The following PDE4D variants were observed in gnomAD, a reference collection of about 807,000 sequenced individuals.
The protein encoded by PDE4D is 3',5'-cyclic-AMP phosphodiesterase 4D.
In PDE4D, 24 loss-of-function variants were observed where a neutral mutation model predicts 87.4. The ratio of observed to expected loss-of-function variants is 0.27; its 90% confidence interval spans 0.20 to 0.39. The LOEUF (loss-of-function observed/expected upper bound fraction) is 0.39, where lower values mean the gene tolerates loss of function less well. PDE4D is among the 10% of genes least tolerant of loss of function. The pLI, the probability that PDE4D is intolerant of heterozygous loss-of-function variation, is 1.00. For missense variants in PDE4D, 714 were observed against 1,041.0 expected, an observed-to-expected ratio of 0.69 and a Z score of 4.32; for synonymous variants, 384 against 383.2, an observed-to-expected ratio of 1.00 and a Z score of -0.02.
At chr5:60,004,994 T>C (rs1029206363) in intron 2 of PDE4D, among the ~76,000 whole-genome samples, 2 of 152,174 alleles carry the variant, frequency 1.3e-5, no homozygotes, top group Non-Finnish European at 2.9e-5. Flanking sequence ...TGAAGAGATG[T>C]CTGCACTGTC....
At chr5:60,247,200 G>A (rs1238239452) in intron 1 of PDE4D, among the ~76,000 whole-genome samples, 1 of 151,888 alleles carries the variant, frequency 6.6e-6, no homozygotes, top group African/African-American at 2.4e-5. Context: ...CCCTTTGTTA[G>A]TGAGACTAAT....
intron 1 of PDE4D, among the ~76,000 whole-genome samples, chr5:60,473,268 A>G (rs1270338000): frequency 6.6e-6 from 1 of 151,896 alleles, no homozygotes; most frequent in Non-Finnish European, 1.5e-5. Context: ...AAGGGAAGGA[A>G]GGGAGGCAGA....
chr5:60,186,069 A>G (rs1482680033), intron 1 of PDE4D, among the ~76,000 whole-genome samples: 1 of 152,166 alleles, frequency 6.6e-6, no homozygotes. Context: ...CTAAGGGATC[A>G]CTAAGGTGAT....
At chr5:60,459,959 C>G in intron 1 of PDE4D, 1 of 746,166 alleles carries the variant, frequency 1.3e-6, no homozygotes, top group Non-Finnish European at 2.4e-6. Flanking sequence ...TCCTCCTCTT[C>G]ATCATCATCA....
intron 1 of PDE4D, among the ~76,000 whole-genome samples, chr5:60,433,953 A>G (rs1007967193): frequency 2.0e-5 from 3 of 152,152 alleles, no homozygotes; most frequent in Non-Finnish European, 4.4e-5. Context: ...TGATGATCAG[A>G]AGACTACATA....
At chr5:59,198,556 CAG>C (rs1341047020) in intron 2 of PDE4D, among the ~76,000 whole-genome samples, 1 of 152,118 alleles carries the variant, frequency 6.6e-6, no homozygotes, top group Non-Finnish European at 1.5e-5. Context: ...GGAAGTGAAC[CAG>C]AGTCATCTTC....
chr5:59,425,278 A>T (rs970626748), intron 1 of PDE4D, among the ~76,000 whole-genome samples: 1 of 152,188 alleles, frequency 6.6e-6, no homozygotes, highest in Non-Finnish European at 1.5e-5. Context: ...AGATATAAAT[A>T]AAGGTCTTAA....
chr5:60,309,965 A>T (rs901628928), intron 1 of PDE4D, among the ~76,000 whole-genome samples: 1 of 152,210 alleles, frequency 6.6e-6, no homozygotes, highest in Admixed American at 6.5e-5. Context: ...CTAATATATA[A>T]GTAACATCAT....
At chr5:59,388,370 A>G (rs1787522366) in intron 1 of PDE4D, among the ~76,000 whole-genome samples, 2 of 152,102 alleles carry the variant, frequency 1.3e-5, no homozygotes, top group South Asian at 4.1e-4. Flanking sequence ...AGAAAAGGGA[A>G]GATGTTTACA....
At chr5:59,689,642 T>A (rs1447224546) in intron 1 of PDE4D, among the ~76,000 whole-genome samples, 4 of 152,164 alleles carry the variant, frequency 2.6e-5, no homozygotes, top group African/African-American at 7.2e-5. Flanking sequence ...CTAGAAGCAT[T>A]CCCTTTGAAA....
chr5:60,374,377 T>G (rs968006171), intron 1 of PDE4D, among the ~76,000 whole-genome samples: 1 of 152,168 alleles, frequency 6.6e-6, no homozygotes, highest in Non-Finnish European at 1.5e-5. Flanking sequence ...AGCTACAGTT[T>G]CAGGTGCAAA....
At chr5:60,286,496 C>T (rs1188958295) in intron 1 of PDE4D, among the ~76,000 whole-genome samples, 1 of 136,596 alleles carries the variant, frequency 7.3e-6, no homozygotes, top group Non-Finnish European at 1.5e-5. Context: ...GTCAGAATAG[C>T]TGCAAATGAC....
At chr5:59,123,706 G>A (rs1774950438) in intron 5 of PDE4D, among the ~76,000 whole-genome samples, 2 of 152,254 alleles carry the variant, frequency 1.3e-5, no homozygotes, top group African/African-American at 4.8e-5. Context: ...TAGAAAAAAA[G>A]TATGCCATTG....
intron 2 of PDE4D, among the ~76,000 whole-genome samples, chr5:60,116,783 T>C (rs2149369130): frequency 6.6e-6 from 1 of 152,164 alleles, no homozygotes; most frequent in East Asian, 1.9e-4. Context: ...ACATCTGGAA[T>C]GCAAAAATAA....
chr5:59,491,381 C>T (rs1220796403), intron 1 of PDE4D, among the ~76,000 whole-genome samples: 2 of 152,148 alleles, frequency 1.3e-5, no homozygotes, highest in Admixed American at 1.3e-4. Context: ...GCACCATTAC[C>T]TTCTACCTCA....
At chr5:59,499,792 TC>T (rs1268877945) in intron 1 of PDE4D, among the ~76,000 whole-genome samples, 1 of 150,162 alleles carries the variant, frequency 6.7e-6, no homozygotes, top group African/African-American at 2.5e-5. Context: ...AAACCTAATG[TC>T]CAAAAATAGC....
chr5:60,295,008 C>A (rs1303478330), intron 1 of PDE4D, among the ~76,000 whole-genome samples: 1 of 152,070 alleles, frequency 6.6e-6, no homozygotes, highest in Non-Finnish European at 1.5e-5. Flanking sequence ...AAGTATATCT[C>A]TCCATTTATT....
chr5:59,218,349 T>A (rs965978343), intron 1 of PDE4D, among the ~76,000 whole-genome samples: 2 of 152,194 alleles, frequency 1.3e-5, no homozygotes, highest in Non-Finnish European at 2.9e-5. Flanking sequence ...CAAATTTGTA[T>A]AAATCAGTAA....
intron 1 of PDE4D, among the ~76,000 whole-genome samples, chr5:59,524,194 G>A (rs1052047925): frequency 1.3e-5 from 2 of 152,166 alleles, no homozygotes; most frequent in Non-Finnish European, 2.9e-5. Flanking sequence ...GGAAAATGTG[G>A]GAAAATGTGC....
Sources: gnomAD v4.1 joint callset for allele counts (sites outside exome capture counted in the v4.1 genomes callset) on GRCh38, gnomAD v4.1.1 for gene constraint, MANE v1.5 for transcripts, NCBI Gene and HGNC (gene_info 2026-07-23, HGNC 2026-07-21) for gene names.